The following KCNMB2 variants were observed in gnomAD, a reference collection of about 807,000 sequenced individuals.
KCNMB2 encodes potassium calcium-activated channel subfamily M regulatory beta subunit 2.
Under a neutral mutation model 24.5 loss-of-function variants are expected in KCNMB2, and 9 were observed. The ratio of observed to expected loss-of-function variants is 0.37; its 90% CI spans 0.22 to 0.64. KCNMB2 has a LOEUF of 0.64. Among genes scored for constraint, KCNMB2 ranks in the 30% least tolerant of loss-of-function variants. The probability of loss-of-function intolerance (pLI) is 0.63; values close to 1 mark genes in which losing one functional copy is unlikely to be tolerated. For missense variants in KCNMB2, 226 were observed against 284.3 expected (o/e 0.79, Z 1.47); for synonymous variants, 109 against 104.4 (o/e 1.04, Z -0.27).
At chr3:178,810,264 A>G (rs1485945471) in intron 2 of KCNMB2, among the ~76,000 whole-genome samples, 1 of 152,198 alleles carries the variant, frequency 6.6e-6, no homozygotes, top group African/African-American at 2.4e-5. Context: ...AATTGCTGGT[A>G]ATTCAGTTTC....
At chr3:178,782,437 T>C (rs1231543507) in intron 1 of KCNMB2, among the ~76,000 whole-genome samples, 3 of 152,074 alleles carry the variant, frequency 2.0e-5, no homozygotes, top group African/African-American at 7.2e-5. Context: ...TTTTTCCACA[T>C]CCTCTCCAGC....
At chr3:178,799,994 G>C in intron 1 of KCNMB2, among the ~76,000 whole-genome samples, 1 of 152,116 alleles carries the variant, frequency 6.6e-6, no homozygotes, top group Non-Finnish European at 1.5e-5. Context: ...AATGAAACCA[G>C]ACTCTGTCTC....
chr3:178,742,200 A>G (rs1477091965), intron 1 of KCNMB2, among the ~76,000 whole-genome samples: 1 of 152,250 alleles, frequency 6.6e-6, no homozygotes, highest in African/African-American at 2.4e-5. Context: ...AATGGTTAGG[A>G]AAATCAGGCT....
chr3:178,598,446 G>A (rs572315311), intron 1 of KCNMB2, among the ~76,000 whole-genome samples: 3 of 152,220 alleles, frequency 2.0e-5, no homozygotes, highest in African/African-American at 4.8e-5. Flanking sequence ...ATTCATTTAT[G>A]TACTCATTCT....
intron 1 of KCNMB2, among the ~76,000 whole-genome samples, chr3:178,656,629 C>G (rs1019466720): frequency 6.6e-6 from 1 of 151,880 alleles, no homozygotes; most frequent in Non-Finnish European, 1.5e-5. Context: ...AAAAATTAGC[C>G]GGGTGTGGCG....
chr3:178,671,242 C>T (rs1720888365), intron 1 of KCNMB2, among the ~76,000 whole-genome samples: 1 of 152,052 alleles, frequency 6.6e-6, no homozygotes, highest in Admixed American at 6.6e-5. Flanking sequence ...CTTCTAGGCC[C>T]ACTGAAAGAA....
chr3:178,603,806 C>T (rs1212817706), intron 1 of KCNMB2, among the ~76,000 whole-genome samples: 1 of 152,136 alleles, frequency 6.6e-6, no homozygotes, highest in Non-Finnish European at 1.5e-5. Context: ...AGTTTAAGCA[C>T]CTTCATTCTG....
At chr3:178,751,015 T>C (rs1011229881) in intron 1 of KCNMB2, among the ~76,000 whole-genome samples, 4 of 152,184 alleles carry the variant, frequency 2.6e-5, no homozygotes, top group African/African-American at 9.6e-5. Flanking sequence ...ATATGCTGCC[T>C]AGAAACCCAG....
chr3:178,597,474 A>G (rs1717918281), intron 1 of KCNMB2, among the ~76,000 whole-genome samples: 1 of 152,164 alleles, frequency 6.6e-6, no homozygotes, highest in Admixed American at 6.6e-5. Flanking sequence ...CCCTAGCTTC[A>G]TTCCTCATGA....
intron 1 of KCNMB2, among the ~76,000 whole-genome samples, chr3:178,621,072 C>T (rs1483643812): frequency 6.6e-6 from 1 of 152,070 alleles, no homozygotes; most frequent in Non-Finnish European, 1.5e-5. Flanking sequence ...TGCTTTAGGA[C>T]CTTAATTTGC....
At chr3:178,679,931 T>A (rs1463931223) in intron 1 of KCNMB2, among the ~76,000 whole-genome samples, 1 of 152,036 alleles carries the variant, frequency 6.6e-6, no homozygotes, top group Non-Finnish European at 1.5e-5. Context: ...AAGTGCTCTG[T>A]CCTCAGAAAT....
intron 1 of KCNMB2, among the ~76,000 whole-genome samples, chr3:178,738,472 T>C (rs1723387868): frequency 6.6e-6 from 1 of 152,194 alleles, no homozygotes; most frequent in African/African-American, 2.4e-5. Flanking sequence ...GGCTCCAAAG[T>C]CTACATGACC....
At chr3:178,562,666 T>C (rs961786270) in intron 1 of KCNMB2, among the ~76,000 whole-genome samples, 1 of 152,194 alleles carries the variant, frequency 6.6e-6, no homozygotes, top group Admixed American at 6.5e-5. Flanking sequence ...GGGTTAAAAA[T>C]GCATTGTAAG....
At chr3:178,727,411 T>A (rs1723001079) in intron 1 of KCNMB2, among the ~76,000 whole-genome samples, 1 of 152,190 alleles carries the variant, frequency 6.6e-6, no homozygotes, top group African/African-American at 2.4e-5. Flanking sequence ...GTCTATGTCC[T>A]AATCTCTAGA....
chr3:178,730,289 A>G (rs568257123), intron 1 of KCNMB2, among the ~76,000 whole-genome samples: 1 of 152,322 alleles, frequency 6.6e-6, no homozygotes, highest in African/African-American at 2.4e-5. Context: ...GCTTGTTATA[A>G]TAACCTACTA....
intron 1 of KCNMB2, among the ~76,000 whole-genome samples, chr3:178,724,818 T>G (rs1395036341): frequency 3.3e-5 from 5 of 152,168 alleles, no homozygotes; most frequent in Admixed American, 1.3e-4. Flanking sequence ...GTTGTGGGTG[T>G]GCAGGTTTAT....
intron 2 of KCNMB2, among the ~76,000 whole-genome samples, chr3:178,814,425 CAT>C (rs1452770452): frequency 3.3e-5 from 5 of 152,158 alleles, no homozygotes; most frequent in African/African-American, 1.2e-4. Context: ...CTTTGATAAA[CAT>C]ATGAGTGCAG....
At chr3:178,778,462 A>ACGCACGCACGTGCGCGCGCGCGCGCT in intron 1 of KCNMB2, among the ~76,000 whole-genome samples, 1 of 63,596 alleles carries the variant, frequency 1.6e-5, no homozygotes, top group Admixed American at 1.4e-4. Flanking sequence ...TAAGACACAC[A>ACGCACGCACGTGCGCGCGCGCGCGCT]CACACACACA....
intron 1 of KCNMB2, among the ~76,000 whole-genome samples, chr3:178,792,912 A>C (rs1277411138): frequency 6.6e-6 from 1 of 152,218 alleles, no homozygotes; most frequent in East Asian, 1.9e-4. Context: ...CTGTCTGAGC[A>C]CTGGGCACAC....
Sources: allele counts gnomAD v4.1 joint callset (sites outside exome capture counted in the v4.1 genomes callset), GRCh38; gene constraint gnomAD v4.1.1; transcripts MANE v1.5; gene names NCBI Gene and HGNC (gene_info 2026-07-23, HGNC 2026-07-21).